EFCAB13: variants seen among roughly 807,000 people sequenced by gnomAD.
The protein encoded by EFCAB13 is EF-hand calcium-binding domain-containing protein 13.
EFCAB13 carries 91 observed loss-of-function variants against 110.2 expected under a neutral mutation model. The ratio of observed to expected loss-of-function variants is 0.83; its 90% confidence interval spans 0.70 to 0.98. The LOEUF is 0.98. Among genes scored for constraint, EFCAB13 ranks in the 50% least tolerant of loss-of-function variants. The pLI is 0.00. For missense variants in EFCAB13, 968 were observed against 1,119.4 expected (o/e 0.86, Z 1.93); for synonymous variants, 323 against 369.9 (o/e 0.87, Z 1.45).
chr17:47,343,544 G>A (rs1598723791), intron 6 of EFCAB13, among the ~76,000 whole-genome samples: 1 of 152,174 alleles, frequency 6.6e-6, no homozygotes, highest in South Asian at 2.1e-4. Context: ...TGTCAATCTT[G>A]TGTAACGTGA....
chr17:47,355,027 A>G (rs1322372797), intron 9 of EFCAB13, among the ~76,000 whole-genome samples: 1 of 152,184 alleles, frequency 6.6e-6, no homozygotes, highest in East Asian at 1.9e-4. Context: ...TTGTTTCAAG[A>G]TTTAGAGCTC....
chr17:47,392,945 G>A (rs960704261), intron 15 of EFCAB13, among the ~76,000 whole-genome samples: 2 of 152,166 alleles, frequency 1.3e-5, no homozygotes, highest in African/African-American at 2.4e-5. Context: ...GATGATTATC[G>A]TAGAGAATAT....
chr17:47,435,193 AAAC>A (rs1198690639), intron 24 of EFCAB13, among the ~76,000 whole-genome samples: 2 of 151,510 alleles, frequency 1.3e-5, no homozygotes, highest in South Asian at 2.1e-4. Context: ...AGCAAGAAAA[AAAC>A]AAAACCATCA....
intron 10 of EFCAB13, among the ~76,000 whole-genome samples, chr17:47,369,023 T>C (rs1448679302): frequency 1.3e-5 from 2 of 152,182 alleles, no homozygotes; most frequent in South Asian, 4.1e-4. Context: ...GAGGAAGGAA[T>C]AGAAAGTTAT....
chr17:47,412,795 C>T lies in EFCAB13; in HGVS notation c.2301C>T (p.Ile767=), dbSNP rs2065842682. 2 of 1,613,592 alleles carry T rather than the reference C, an allele frequency of 1.2e-6. No homozygotes were observed. Residue 767 remains isoleucine, a synonymous_variant, in exon 22 of 25, where the codon ATC becomes ATT. Coordinates refer to ENST00000331493, the MANE Select transcript of EFCAB13 (RefSeq NM_152347.5). ...TAGAGATTAAAGAAGCTGCTAACAT[C>T]TTGTCACATGTCGATAATGGCAAGA... ...KVNEIKEAAN[I]LSHVDNGKIG... is the part of the protein sequence containing the mutation.
chr17:47,420,203 C>A (rs908424679), intron 23 of EFCAB13, among the ~76,000 whole-genome samples: 10 of 152,376 alleles, frequency 6.6e-5, no homozygotes, highest in African/African-American at 2.4e-4. Context: ...CCAGCCTCGG[C>A]CTCCCAAGGT....
At chr17:47,333,368 T>C (rs1260306820) in intron 4 of EFCAB13, among the ~76,000 whole-genome samples, 1 of 152,164 alleles carries the variant, frequency 6.6e-6, no homozygotes, top group Non-Finnish European at 1.5e-5. Flanking sequence ...GGTTTGCAAA[T>C]ATTTTCTCCC....
At chr17:47,328,525 G>C (rs942742960) in intron 4 of EFCAB13, 142 bp downstream of exon 4, 13 of 662,004 alleles carry the variant, frequency 2.0e-5, no homozygotes, top group Non-Finnish European at 3.1e-5. Context: ...GATGATGTTT[G>C]AGTCATTTTA....
At chr17:47,407,740 AGTTTTTT>A (rs1243995236) in intron 20 of EFCAB13, among the ~76,000 whole-genome samples, 1 of 152,158 alleles carries the variant, frequency 6.6e-6, no homozygotes, top group Non-Finnish European at 1.5e-5. Context: ...AATTTTATTT[AGTTTTTT>A]GTTTTTTGTT....
At chr17:47,439,410 T>G (rs1289163790) in intron 24 of EFCAB13, among the ~76,000 whole-genome samples, 1 of 151,870 alleles carries the variant, frequency 6.6e-6, no homozygotes, top group East Asian at 1.9e-4. Flanking sequence ...CTCCTGACCT[T>G]AAGTGATCTG....
At position 47,397,505 on chromosome 17, in the gene EFCAB13, G is replaced by T. The variant is rs566410711; in HGVS notation, c.1945+1528G>T. ...GGGACGTGAGGAGCCCCTCTGCCTG[G>T]CTGCTCAGTCTGGAAAGTGAGGAGC... On this transcript the variant is annotated intron_variant, in intron 17 of 24. Transcript: ENST00000331493. Among the ~76,000 whole-genome samples, 13 of 149,826 alleles carry T rather than the reference G, an allele frequency of 8.7e-5. No homozygotes were observed. The South Asian group carries it at 1.5e-3, about 17-fold the overall frequency.
intron 14 of EFCAB13, among the ~76,000 whole-genome samples, chr17:47,383,888 T>C (rs866041755): frequency 2.6e-5 from 4 of 152,242 alleles, no homozygotes; most frequent in Middle Eastern, 3.4e-3. Context: ...GTCCTGAAAA[T>C]CCTTATTAAT....
intron 24 of EFCAB13, among the ~76,000 whole-genome samples, chr17:47,432,955 A>G: frequency 6.6e-6 from 1 of 152,220 alleles, no homozygotes; most frequent in Admixed American, 6.5e-5. Flanking sequence ...TATTAAAACA[A>G]AGATATTAAT....
At chr17:47,432,487 G>GT (rs1905137795) in intron 24 of EFCAB13, among the ~76,000 whole-genome samples, 1 of 151,984 alleles carries the variant, frequency 6.6e-6, no homozygotes, top group Non-Finnish European at 1.5e-5. Flanking sequence ...AACTACTTGG[G>GT]GGGTTGAGGC....
intron 21 of EFCAB13, 83 bp from the exon 22 acceptor site, chr17:47,412,690 G>A (rs2065842100): frequency 1.5e-6 from 2 of 1,291,640 alleles, no homozygotes; most frequent in Admixed American, 2.4e-5. Flanking sequence ...TATTTAATTT[G>A]AGGTTTACCT....
At chr17:47,419,662 G>A (rs1904565563) in intron 23 of EFCAB13, among the ~76,000 whole-genome samples, 2 of 152,226 alleles carry the variant, frequency 1.3e-5, no homozygotes, top group African/African-American at 4.8e-5. Context: ...GAGGAGCCTA[G>A]CTTAGTTCAT....
intron 6 of EFCAB13, among the ~76,000 whole-genome samples, 158 bp from the exon 7 acceptor site, chr17:47,344,004 A>G (rs562685145): frequency 6.6e-6 from 1 of 152,280 alleles, no homozygotes; most frequent in African/African-American, 2.4e-5. Context: ...AGTTTATATT[A>G]AATGTAATTT....
intron 9 of EFCAB13, among the ~76,000 whole-genome samples, chr17:47,353,965 C>G (rs1808399642): frequency 6.6e-6 from 1 of 151,960 alleles, no homozygotes; most frequent in Admixed American, 6.6e-5. Flanking sequence ...GAGGTGTGAC[C>G]TTAGATTGCC....
chr17:47,393,921 A>T (rs1385890708), intron 15 of EFCAB13, 104 bp from the exon 16 acceptor site: 2 of 568,864 alleles, frequency 3.5e-6, no homozygotes, highest in African/African-American at 4.0e-5. Context: ...TACCTGATGG[A>T]TATAATTATA....
Sources: allele counts gnomAD v4.1 joint callset (sites outside exome capture counted in the v4.1 genomes callset), GRCh38; gene constraint gnomAD v4.1.1; transcripts MANE v1.5; gene names NCBI Gene and HGNC (gene_info 2026-07-23, HGNC 2026-07-21).